MB21D2: variants seen among roughly 807,000 people sequenced by gnomAD.
The protein encoded by MB21D2 is Mab-21 domain containing 2, also known as nucleotidyltransferase MB21D2.
MB21D2 carries 9 observed loss-of-function variants against 33.3 expected under a neutral mutation model. The ratio of observed to expected loss-of-function variants is 0.27; its 90% CI spans 0.16 to 0.47. MB21D2 has a LOEUF of 0.47. Among genes scored for constraint, MB21D2 ranks in the 20% least tolerant of loss-of-function variants. The pLI, the probability that MB21D2 is intolerant of heterozygous loss-of-function variation, is 0.99. For missense variants in MB21D2, 540 were observed against 624.6 expected (o/e 0.86, Z 1.44); for synonymous variants, 241 against 236.3 (o/e 1.02, Z -0.18).
At chr3:192,854,840 C>G (rs545587432) in intron 1 of MB21D2, among the ~76,000 whole-genome samples, 1 of 152,328 alleles carries the variant, frequency 6.6e-6, no homozygotes, top group Non-Finnish European at 1.5e-5. Flanking sequence ...GATAACAACA[C>G]ATCTGTTTAC....
At position 192,799,921 on chromosome 3, in the gene MB21D2, C is replaced by T. The variant is rs1711521796; in HGVS notation, c.212-271G>A. Among the ~76,000 whole-genome samples, 1 of 152,158 alleles carries T rather than the reference C, an allele frequency of 6.6e-6. No homozygotes were observed. The highest frequency in any genetic ancestry group is 6.5e-5 in the Admixed American group (1 of 15,280). ...ATAATAAAACAGGGCCCCTCTTCCCCCAGTCATCATCTCAGTTAATGGAAT... is the reference window on the plus strand; with the variant it reads ...ATAATAAAACAGGGCCCCTCTTCCCTCAGTCATCATCTCAGTTAATGGAAT... On this transcript the variant is annotated intron_variant, in intron 1 of 1. Transcript: ENST00000392452. This position sits in a 1 kb window ranked among gnomAD's most constrained non-coding sequence, Gnocchi z 4.1.
chr3:192,813,297 TTAA>T (rs200410944), intron 1 of MB21D2, among the ~76,000 whole-genome samples: 1 of 93,040 alleles, frequency 1.1e-5, no homozygotes. Context: ...CTTACTGCAG[TTAA>T]TTTTTTTTTT....
chr3:192,908,503 A>G (rs569500188), intron 1 of MB21D2, among the ~76,000 whole-genome samples: 4 of 150,104 alleles, frequency 2.7e-5, no homozygotes, highest in African/African-American at 9.8e-5. Flanking sequence ...GGTTCACGCC[A>G]TTCTCCTGCC....
intron 1 of MB21D2, among the ~76,000 whole-genome samples, chr3:192,882,531 G>A (rs1160186585): frequency 6.6e-6 from 1 of 152,070 alleles, no homozygotes; most frequent in East Asian, 1.9e-4. Context: ...CTGTCTCATA[G>A]GTGCACCCAA....
intron 1 of MB21D2, among the ~76,000 whole-genome samples, chr3:192,839,798 AC>A (rs1560236116): frequency 6.6e-6 from 1 of 152,208 alleles, no homozygotes; most frequent in Non-Finnish European, 1.5e-5. Context: ...ACAGAAAACA[AC>A]CTTCTAACCA....
rs1482459407 is a variant in MB21D2, at chr3:192,798,920, T to C, written c.942A>G (p.Lys314=). 6.2e-7 allele frequency: 1 copy of C among 1,613,766 alleles called. No individual in the cohort carries two copies. The highest frequency in any genetic ancestry group is 1.1e-5 in the South Asian group (1 of 91,072). ...GGGACAGCAGTTTAATGATGATGGC[T>C]TTGCAGGCCTGATAGGCCTGCATGA... ...SSLMQAYQAC[K]AIIIKLLSRP... Residue 314 remains lysine, a synonymous_variant, in exon 2 of 2, where the codon AAA becomes AAG. Transcript: ENST00000392452. The surrounding 1 kb of genome is among the most constrained non-coding windows in gnomAD (Gnocchi z 4.8).
chr3:192,818,064 G>T (rs1711965486), intron 1 of MB21D2, among the ~76,000 whole-genome samples: 1 of 151,456 alleles, frequency 6.6e-6, no homozygotes, highest in Admixed American at 6.6e-5. Context: ...CTGAAATCCT[G>T]CCAATTCTAC....
intron 1 of MB21D2, among the ~76,000 whole-genome samples, chr3:192,836,414 A>G (rs1238552752): frequency 5.3e-5 from 8 of 152,212 alleles, no homozygotes; most frequent in Admixed American, 5.2e-4. Context: ...CCTAACTCCC[A>G]GTAACCTCAG....
chr3:192,856,083 A>AAAT (rs1303029043), intron 1 of MB21D2, among the ~76,000 whole-genome samples: 11 of 152,266 alleles, frequency 7.2e-5, no homozygotes, highest in Non-Finnish European at 1.3e-4. Flanking sequence ...CTTAATAAGA[A>AAAT]AATAATAATA....
chr3:192,838,889 T>C (rs1712509718), intron 1 of MB21D2, among the ~76,000 whole-genome samples: 1 of 152,200 alleles, frequency 6.6e-6, no homozygotes, highest in Non-Finnish European at 1.5e-5. Flanking sequence ...CTGTATTATA[T>C]GCCTTTTTTG....
At chr3:192,891,614 T>C (rs970452096) in intron 1 of MB21D2, among the ~76,000 whole-genome samples, 1 of 152,146 alleles carries the variant, frequency 6.6e-6, no homozygotes, top group Non-Finnish European at 1.5e-5. Flanking sequence ...CTGTTTAACA[T>C]GATGCCTGGC....
intron 1 of MB21D2, among the ~76,000 whole-genome samples, chr3:192,890,005 T>C (rs1464101719): frequency 6.6e-6 from 1 of 151,998 alleles, no homozygotes; most frequent in Non-Finnish European, 1.5e-5. Context: ...AAATAACACA[T>C]GTCTAATGCC....
chr3:192,856,674 C>T (rs1712925359), intron 1 of MB21D2, among the ~76,000 whole-genome samples: 1 of 152,156 alleles, frequency 6.6e-6, no homozygotes, highest in East Asian at 1.9e-4. Flanking sequence ...CTACCTCAGC[C>T]TCCGAAGTAG....
At chr3:192,868,250 G>A (rs1713211937) in intron 1 of MB21D2, among the ~76,000 whole-genome samples, 1 of 152,184 alleles carries the variant, frequency 6.6e-6, no homozygotes, top group African/African-American at 2.4e-5. Flanking sequence ...CCAAAAGATA[G>A]AAGGGCTAGG....
At chr3:192,894,568 G>C (rs1713924359) in intron 1 of MB21D2, among the ~76,000 whole-genome samples, 1 of 152,184 alleles carries the variant, frequency 6.6e-6, no homozygotes, top group Non-Finnish European at 1.5e-5. Context: ...CAGGTAACTG[G>C]AGAAACAAAC....
chr3:192,821,352 A>T (rs1336043346), intron 1 of MB21D2, among the ~76,000 whole-genome samples: 1 of 152,186 alleles, frequency 6.6e-6, no homozygotes, highest in African/African-American at 2.4e-5. Flanking sequence ...CAAACATTTC[A>T]TCCAGGTCAG....
chr3:192,808,070 A>G (rs1482770986), intron 1 of MB21D2, among the ~76,000 whole-genome samples: 1 of 152,178 alleles, frequency 6.6e-6, no homozygotes, highest in East Asian at 1.9e-4. Flanking sequence ...GGAGGAAAAG[A>G]AGGCTCTGGG....
chr3:192,852,775 CT>C (rs1160230524), intron 1 of MB21D2, among the ~76,000 whole-genome samples: 1 of 151,962 alleles, frequency 6.6e-6, no homozygotes, highest in African/African-American at 2.4e-5. Context: ...TGCCCTAGAA[CT>C]TTCAGAATGA....
chr3:192,799,468 G>T lies in MB21D2; in HGVS notation c.394C>A (p.Gln132Lys). 1 of 1,614,204 alleles carries T rather than the reference G, an allele frequency of 6.2e-7. No individual in the cohort carries two copies. Among genetic ancestry groups the T allele is most frequent in the Non-Finnish European group, 8.5e-7 (1 of 1,180,042 alleles). ...TGGCGCATGTCGAGTGTCACAGGCT[G>T]ATTACGGTCATGCAGCTTGAGGGCT... ...VPALKLHDRNQPVTLDMRHSA... is the reference protein window; with the variant it reads ...VPALKLHDRNKPVTLDMRHSA... Residue 132 changes from glutamine to lysine, a missense_variant, in exon 2 of 2, where the codon CAG (glutamine) becomes AAG (lysine). Coordinates refer to ENST00000392452, the MANE Select transcript of MB21D2 (RefSeq NM_178496.4). The surrounding 1 kb of genome is among the most constrained non-coding windows in gnomAD (Gnocchi z 4.1).
Sources: gnomAD v4.1 joint callset for allele counts (sites outside exome capture counted in the v4.1 genomes callset) on GRCh38, gnomAD v4.1.1 for gene constraint, Gnocchi (gnomAD v3.1) non-coding constraint, MANE v1.5 for transcripts, NCBI Gene and HGNC (gene_info 2026-07-23, HGNC 2026-07-21) for gene names.